The following NBAS variants were observed in gnomAD, a reference collection of about 807,000 sequenced individuals.
NBAS encodes NBAS subunit of NRZ tethering complex.
Under a neutral mutation model 302.5 loss-of-function variants are expected in NBAS, and 219 were observed. The ratio of observed to expected loss-of-function variants is 0.72; its 90% CI spans 0.65 to 0.81. The LOEUF is 0.81. Ranked by LOEUF, NBAS falls within the 30% of genes least tolerant of loss-of-function variation. The probability of loss-of-function intolerance (pLI) is 0.00; values close to 1 mark genes in which losing one functional copy is unlikely to be tolerated. For synonymous variants in NBAS, 1,118 were observed against 1,021.6 expected (o/e 1.09, Z -1.80); for missense variants, 2,932 against 2,841.6 (o/e 1.03, Z -0.72).
the NBAS span, among the ~76,000 whole-genome samples, chr2:14,917,705 G>A: frequency 6.6e-6 from 1 of 152,192 alleles, no homozygotes; most frequent in African/African-American, 2.4e-5. Flanking sequence ...ATGCCCTGAG[G>A]CATTACTGTG....
intron 41 of NBAS, 121 bp downstream of exon 41, chr2:15,292,416 C>A: frequency 3.0e-6 from 3 of 1,015,224 alleles, no homozygotes; most frequent in South Asian, 2.9e-5. Context: ...TTGGGGAAAG[C>A]CCTATTCATA....
At chr2:15,068,686 T>A in the NBAS span, among the ~76,000 whole-genome samples, 1 of 152,248 alleles carries the variant, frequency 6.6e-6, no homozygotes, top group African/African-American at 2.4e-5. Context: ...CGATTTGCTT[T>A]TCTAAGCAAT....
the NBAS span, among the ~76,000 whole-genome samples, chr2:15,002,088 C>T: frequency 1.3e-5 from 2 of 152,064 alleles, no homozygotes; most frequent in African/African-American, 4.8e-5. Context: ...CACGTCCCCA[C>T]TAGATTAGCT....
At chr2:15,371,079 T>C (rs1251376217) in intron 31 of NBAS, among the ~76,000 whole-genome samples, 1 of 152,156 alleles carries the variant, frequency 6.6e-6, no homozygotes, top group East Asian at 1.9e-4. Flanking sequence ...GACTGGATCA[T>C]GGGGGCAGTT....
intron 9 of NBAS, among the ~76,000 whole-genome samples, chr2:15,522,085 A>G (rs948739489): frequency 2.0e-5 from 3 of 152,248 alleles, no homozygotes; most frequent in African/African-American, 7.2e-5. Flanking sequence ...GAAGTTATAT[A>G]TCTATCCCAA....
the NBAS span, among the ~76,000 whole-genome samples, chr2:15,152,501 T>C: frequency 1.3e-5 from 2 of 152,224 alleles, no homozygotes; most frequent in African/African-American, 4.8e-5. Context: ...TCTCAGCCAA[T>C]TGCAGCAGCC....
the NBAS span, among the ~76,000 whole-genome samples, chr2:15,055,183 A>C: frequency 6.6e-5 from 10 of 152,314 alleles, 1 homozygote; most frequent in South Asian, 2.1e-3. Context: ...ACAAGCATCA[A>C]TATTTTAGGG....
the NBAS span, among the ~76,000 whole-genome samples, chr2:15,112,936 T>C: frequency 6.6e-6 from 1 of 152,152 alleles, no homozygotes; most frequent in Non-Finnish European, 1.5e-5. Flanking sequence ...TAAATGTGTT[T>C]GCATGGAGAA....
the NBAS span, among the ~76,000 whole-genome samples, chr2:15,102,742 TTAC>T: frequency 6.6e-6 from 1 of 151,974 alleles, no homozygotes; most frequent in Admixed American, 6.6e-5. Context: ...TGGGTTATAA[TTAC>T]CTAAGGTTAG....
chr2:15,403,701 A>C (rs183255788), intron 25 of NBAS, among the ~76,000 whole-genome samples: 2 of 152,282 alleles, frequency 1.3e-5, no homozygotes, highest in African/African-American at 4.8e-5. Flanking sequence ...CCAGATACTG[A>C]GGGATGAACG....
At position 15,238,605 on chromosome 2, in the gene NBAS, T is replaced by G. The variant is rs1220576052; in HGVS notation, c.5806A>C (p.Asn1936His). ...KHFIEKPRKR[N>H]SEDEAQEAKD... is the part of the protein sequence containing the mutation. Reference sequence around the variant, plus strand: ...GCTTCTTGAGCTTCGTCTTCTGAGTTTCTTTTCCTTGGCTTCTCAATAAAA... The same window carrying G: ...GCTTCTTGAGCTTCGTCTTCTGAGTGTCTTTTCCTTGGCTTCTCAATAAAA... The change falls in exon 45 of 52, where the codon AAC (asparagine) becomes CAC (histidine). Residue 1936 changes from asparagine to histidine, a missense_variant. Physicochemically the swap from Asn to His is moderately conservative, Grantham distance 68. Transcript: ENST00000281513. The G allele has an allele frequency of 4.3e-6, 7 of 1,613,560 alleles. No individual in the cohort carries two copies. Among genetic ancestry groups the G allele is most frequent in the African/African-American group, 1.3e-5 (1 of 74,816 alleles).
intron 49 of NBAS, among the ~76,000 whole-genome samples, chr2:15,187,532 G>T (rs866670388): frequency 2.6e-5 from 4 of 152,192 alleles, no homozygotes; most frequent in Middle Eastern, 3.4e-3. Flanking sequence ...TGGGCTTCAC[G>T]TTGTTTCCTT....
chr2:15,124,669 T>A, the NBAS span, among the ~76,000 whole-genome samples: 2 of 152,252 alleles, frequency 1.3e-5, no homozygotes, highest in Non-Finnish European at 2.9e-5. Context: ...GGACACTTGC[T>A]GCATCCTGGC....
chr2:14,812,979 G>A, the NBAS span, among the ~76,000 whole-genome samples: 7 of 152,152 alleles, frequency 4.6e-5, no homozygotes, highest in African/African-American at 7.2e-5. Context: ...TAGCACTTCC[G>A]CCTTCATTCT....
chr2:14,876,574 T>C, the NBAS span, among the ~76,000 whole-genome samples: 1 of 152,228 alleles, frequency 6.6e-6, no homozygotes, highest in Non-Finnish European at 1.5e-5. Context: ...CATTCCTGTG[T>C]ATACTTTGTG....
At chr2:14,796,865 G>A in the NBAS span, among the ~76,000 whole-genome samples, 2 of 147,154 alleles carry the variant, frequency 1.4e-5, no homozygotes, top group Non-Finnish European at 1.5e-5. Context: ...ACCCAGACTC[G>A]AGATGGAGAC....
chr2:14,883,255 C>T, the NBAS span, among the ~76,000 whole-genome samples: 10 of 152,006 alleles, frequency 6.6e-5, no homozygotes, highest in Non-Finnish European at 1.2e-4. Flanking sequence ...GTATTTTCTC[C>T]GAAAAGCATC....
chr2:15,374,961 A>G (rs1312625349), intron 30 of NBAS, among the ~76,000 whole-genome samples: 2 of 152,192 alleles, frequency 1.3e-5, no homozygotes, highest in East Asian at 3.9e-4. Flanking sequence ...AATTGCCCAC[A>G]GTTACATCCA....
intron 50 of NBAS, chr2:15,180,378 G>A (rs1208620664): frequency 2.6e-5 from 4 of 152,126 alleles, no homozygotes; most frequent in African/African-American, 7.2e-5. Context: ...CTCATACATC[G>A]GGAATTCTAA....
Sources: allele counts gnomAD v4.1 joint callset (sites outside exome capture counted in the v4.1 genomes callset), GRCh38; gene constraint gnomAD v4.1.1; transcripts MANE v1.5; gene names NCBI Gene and HGNC (gene_info 2026-07-23, HGNC 2026-07-21).